The following ZNF385B variants were observed in gnomAD, a reference collection of about 807,000 sequenced individuals.
ZNF385B encodes the protein zinc finger protein 385B, also known as zinc finger protein 533.
Under a neutral mutation model 39.2 loss-of-function variants are expected in ZNF385B, and 23 were observed. The observed-to-expected ratio is 0.59, with a 90% CI of 0.42 to 0.83. ZNF385B has a LOEUF of 0.83. Among genes scored for constraint, ZNF385B ranks in the 40% least tolerant of loss-of-function variants. The probability of loss-of-function intolerance (pLI) is 0.00; values close to 1 mark genes in which losing one functional copy is unlikely to be tolerated. For synonymous variants in ZNF385B, 205 were observed against 222.6 expected (o/e 0.92, Z 0.70); for missense variants, 552 against 598.9 (o/e 0.92, Z 0.82).
rs1433655060 is a variant in ZNF385B, at chr2:179,769,591, G to A, written c.210C>T (p.Gly70=). 1 of 1,614,156 alleles carries A rather than the reference G, an allele frequency of 6.2e-7. No individual in the cohort carries two copies. Reference sequence around the variant, plus strand: ...GCTTCACTCGTTTGCGGTGGGATTTGCCGTTGGAATGCACCTGAGCCTGGG... The same window carrying A: ...GCTTCACTCGTTTGCGGTGGGATTTACCGTTGGAATGCACCTGAGCCTGGG... ...SAAQAQVHSN[G]KSHRKRVKQL... Residue 70 remains glycine, a synonymous_variant, in exon 3 of 10, where the codon GGC becomes GGT. Transcript: ENST00000410066.
chr2:179,456,789 T>C (rs1213377718), intron 6 of ZNF385B, among the ~76,000 whole-genome samples: 1 of 152,196 alleles, frequency 6.6e-6, no homozygotes, highest in Non-Finnish European at 1.5e-5. Flanking sequence ...CTCATAGTAA[T>C]TGAGCACTCA....
chr2:179,626,818 A>C (rs1332451060), intron 3 of ZNF385B, among the ~76,000 whole-genome samples: 2 of 152,170 alleles, frequency 1.3e-5, no homozygotes, highest in Non-Finnish European at 2.9e-5. Context: ...AACTTAAAGA[A>C]TTTGGGAAGT....
chr2:179,466,091 A>G (rs2051976020), intron 6 of ZNF385B, among the ~76,000 whole-genome samples: 1 of 152,194 alleles, frequency 6.6e-6, no homozygotes, highest in Non-Finnish European at 1.5e-5. Context: ...TTAGCTGTTG[A>G]CTATGTAAAT....
intron 3 of ZNF385B, among the ~76,000 whole-genome samples, chr2:179,714,823 T>G: frequency 6.6e-6 from 1 of 151,346 alleles, no homozygotes; most frequent in East Asian, 2.0e-4. Flanking sequence ...TGGTGGCACT[T>G]GCCTGTAATC....
intron 3 of ZNF385B, among the ~76,000 whole-genome samples, chr2:179,686,050 A>G (rs529085024): frequency 3.4e-4 from 52 of 152,172 alleles, no homozygotes; most frequent in Non-Finnish European, 6.6e-4. Flanking sequence ...TTTCAGATAC[A>G]TGCTTTCTTT....
At chr2:179,779,495 G>T (rs1046882420) in intron 1 of ZNF385B, among the ~76,000 whole-genome samples, 1 of 152,204 alleles carries the variant, frequency 6.6e-6, no homozygotes, top group African/African-American at 2.4e-5. Context: ...GATATGATCA[G>T]ATTTCAGCTG....
At chr2:179,635,408 A>G (rs1472829360) in intron 3 of ZNF385B, among the ~76,000 whole-genome samples, 2 of 151,632 alleles carry the variant, frequency 1.3e-5, no homozygotes, top group African/African-American at 4.9e-5. Flanking sequence ...GGGGAGGAAT[A>G]GCATTAGGAG....
intron 5 of ZNF385B, 77 bp from the exon 6 acceptor site, chr2:179,483,511 T>C (rs1330039117): frequency 6.9e-6 from 11 of 1,583,896 alleles, no homozygotes; most frequent in Non-Finnish European, 8.6e-6. Context: ...AGGAGAAAAA[T>C]ACATTCTATC....
At chr2:179,832,386 C>T (rs1708032858) in intron 1 of ZNF385B, among the ~76,000 whole-genome samples, 1 of 152,090 alleles carries the variant, frequency 6.6e-6, no homozygotes, top group African/African-American at 2.4e-5. Context: ...GTATAAATGA[C>T]TGAAAGGAGC....
intron 3 of ZNF385B, among the ~76,000 whole-genome samples, chr2:179,592,707 TG>T (rs768411568): frequency 3.9e-5 from 6 of 152,208 alleles, no homozygotes. Context: ...TGTTGCATTA[TG>T]TTAATTATTA....
rs914779084 is a variant in ZNF385B at position 179,519,080 on chromosome 2, A to C, written c.442-442T>G. ...ACTGCAGCCTCAACCTCCTGAGCTC[A>C]AGTGATCCTCTTGTTTCAGCCGCCC... On this transcript the variant is annotated intron_variant, in intron 4 of 9. Transcript: ENST00000410066. Among the ~76,000 whole-genome samples, 6 of 152,300 alleles carry C rather than the reference A, an allele frequency of 3.9e-5. No individual in the cohort carries two copies. In the Middle Eastern group the frequency reaches 0.01, roughly 259 times the overall value.
intron 3 of ZNF385B, among the ~76,000 whole-genome samples, chr2:179,557,550 TATATAC>T: frequency 1.7e-5 from 2 of 116,806 alleles, no homozygotes; most frequent in Non-Finnish European, 3.7e-5. Context: ...GTATATAACA[TATATAC>T]ATGTTATATA....
Position 179,489,633 on chromosome 2 carries a change from C to A in ZNF385B, c.553-6199G>T, listed in dbSNP as rs370306778. ...CAAGATAAAACTGTTTTTACTATTA[C>A]AATGCTTTCTGCATATATTTCTGGC... On this transcript the variant is annotated intron_variant, in intron 5 of 9. Transcript: ENST00000410066. 3.9e-5 allele frequency among the ~76,000 whole-genome samples: 6 copies of A among 152,286 alleles called. No individual in the cohort carries two copies. The East Asian group carries it at 1.2e-3, about 29-fold the overall frequency.
At chr2:179,799,325 A>G (rs1343879479) in intron 1 of ZNF385B, among the ~76,000 whole-genome samples, 1 of 152,076 alleles carries the variant, frequency 6.6e-6, no homozygotes, top group Non-Finnish European at 1.5e-5. Context: ...GGGAACAACC[A>G]TAATCTACTT....
Position 179,602,607 on chromosome 2 carries a change from A to G in ZNF385B, c.299-57638T>C, listed in dbSNP as rs187523108. 3.0e-3 allele frequency among the ~76,000 whole-genome samples: 459 copies of G among 152,250 alleles called. 1 individual carries two copies. Among genetic ancestry groups the G allele is most frequent in the African/African-American group, 9.5e-3 (393 of 41,534 alleles). On this transcript the variant is annotated intron_variant, in intron 3 of 9. Coordinates refer to ENST00000410066, the MANE Select transcript of ZNF385B (RefSeq NM_152520.6). ...AAACTACGCAAGGGTTTGTTTTTCT[A>G]TTAGCTCATGTAAATGACTAAATGA...
At chr2:179,457,705 C>T (rs1411309407) in intron 6 of ZNF385B, among the ~76,000 whole-genome samples, 1 of 151,896 alleles carries the variant, frequency 6.6e-6, no homozygotes, top group Non-Finnish European at 1.5e-5. Flanking sequence ...ATATCTTTAG[C>T]CCATTTTTAA....
intron 1 of ZNF385B, among the ~76,000 whole-genome samples, chr2:179,774,634 A>C (rs2106512809): frequency 6.6e-6 from 1 of 152,170 alleles, no homozygotes; most frequent in African/African-American, 2.4e-5. Context: ...TGGGATTACA[A>C]GTGTGAGCCA....
chr2:179,538,069 T>G (rs2059697640), intron 4 of ZNF385B, among the ~76,000 whole-genome samples: 1 of 152,102 alleles, frequency 6.6e-6, no homozygotes, highest in Non-Finnish European at 1.5e-5. Flanking sequence ...TAAAAGCATG[T>G]CACAAAAAAT....
At chr2:179,662,608 G>A (rs1267599357) in intron 3 of ZNF385B, among the ~76,000 whole-genome samples, 1 of 151,992 alleles carries the variant, frequency 6.6e-6, no homozygotes, top group Non-Finnish European at 1.5e-5. Flanking sequence ...GTTTTTGGAA[G>A]GTTAGATGGA....
Sources: gnomAD v4.1 joint callset for allele counts (sites outside exome capture counted in the v4.1 genomes callset) on GRCh38, gnomAD v4.1.1 for gene constraint, MANE v1.5 for transcripts, NCBI Gene and HGNC (gene_info 2026-07-23, HGNC 2026-07-21) for gene names.